Variants in SPAG16 observed in about 807,000 individuals in gnomAD.
SPAG16 encodes the protein sperm associated antigen 16, also known as sperm-associated antigen 16 protein.
Under a neutral mutation model 80.4 loss-of-function variants are expected in SPAG16, and 86 were observed. The observed-to-expected ratio is 1.07, with a 90% CI of 0.90 to 1.28. The LOEUF (loss-of-function observed/expected upper bound fraction) is 1.28, where lower values mean the gene tolerates loss of function less well. SPAG16 is among the 50% of genes most tolerant of loss of function. SPAG16 has a pLI of 0.00. For synonymous variants in SPAG16, 294 were observed against 265.9 expected, an observed-to-expected ratio of 1.11 and a Z score of -1.03; for missense variants, 870 against 765.3, an observed-to-expected ratio of 1.14 and a Z score of -1.61.
At chr2:213,574,831 T>A (rs1323684790) in intron 10 of SPAG16, among the ~76,000 whole-genome samples, 2 of 151,910 alleles carry the variant, frequency 1.3e-5, no homozygotes, top group Admixed American at 1.3e-4. Context: ...CAGCTCTTTA[T>A]AAACACACAT....
At chr2:213,515,746 G>C (rs964042372) in intron 10 of SPAG16, among the ~76,000 whole-genome samples, 1 of 152,104 alleles carries the variant, frequency 6.6e-6, no homozygotes, top group African/African-American at 2.4e-5. Context: ...CAAATATAAT[G>C]AGTTAAGACT....
intron 10 of SPAG16, among the ~76,000 whole-genome samples, chr2:213,586,510 T>G (rs1336131818): frequency 1.3e-5 from 2 of 152,220 alleles, no homozygotes; most frequent in Non-Finnish European, 1.5e-5. Context: ...GACCCAAGCA[T>G]TCAGACCACA....
At chr2:213,871,970 G>T (rs562249416) in intron 11 of SPAG16, among the ~76,000 whole-genome samples, 1 of 151,932 alleles carries the variant, frequency 6.6e-6, no homozygotes, top group Non-Finnish European at 1.5e-5. Flanking sequence ...TAAAATGTCA[G>T]GTTTTAAACA....
intron 12 of SPAG16, among the ~76,000 whole-genome samples, chr2:213,942,201 G>T (rs79956388): frequency 0.028 from 4,297 of 152,084 alleles, 196 homozygotes; most frequent in African/African-American, 0.098. Context: ...TGCCTGCTTT[G>T]CCTACATCTG....
chr2:213,794,248 A>G (rs1244935073), intron 10 of SPAG16, among the ~76,000 whole-genome samples: 1 of 152,146 alleles, frequency 6.6e-6, no homozygotes, highest in Non-Finnish European at 1.5e-5. Context: ...TTACAGCAAC[A>G]AAAAAGTCAA....
At chr2:214,301,722 G>A (rs536849858) in intron 15 of SPAG16, among the ~76,000 whole-genome samples, 1 of 152,084 alleles carries the variant, frequency 6.6e-6, no homozygotes, top group Admixed American at 6.6e-5. Context: ...TTCTTTCAAA[G>A]AACCAACTTT....
At chr2:213,679,137 C>A (rs908454965) in intron 10 of SPAG16, among the ~76,000 whole-genome samples, 9 of 152,114 alleles carry the variant, frequency 5.9e-5, no homozygotes. Flanking sequence ...CAATGTCTAA[C>A]CTAATTCTAA....
chr2:214,180,505 A>G (rs895404817), intron 15 of SPAG16, among the ~76,000 whole-genome samples: 1 of 151,700 alleles, frequency 6.6e-6, no homozygotes, highest in African/African-American at 2.4e-5. Context: ...ATAAGCTATA[A>G]ATAGATAATA....
chr2:214,177,933 ATGGC>A (rs2057161410), intron 15 of SPAG16, among the ~76,000 whole-genome samples: 1 of 130,848 alleles, frequency 7.6e-6, no homozygotes, highest in African/African-American at 2.9e-5. Context: ...ATATATATAT[ATGGC>A]CAGAATTGTT....
At chr2:214,180,974 C>T (rs552400980) in intron 15 of SPAG16, among the ~76,000 whole-genome samples, 7 of 151,670 alleles carry the variant, frequency 4.6e-5, no homozygotes, top group South Asian at 4.2e-4. Flanking sequence ...AAGTTGCCCC[C>T]GATTGGTTTA....
At chr2:213,906,065 A>G (rs1436898243) in intron 11 of SPAG16, among the ~76,000 whole-genome samples, 1 of 152,160 alleles carries the variant, frequency 6.6e-6, no homozygotes, top group Non-Finnish European at 1.5e-5. Context: ...AGCAACAGAC[A>G]GGAAGGTCTT....
At chr2:213,378,712 T>C (rs994948753) in intron 9 of SPAG16, among the ~76,000 whole-genome samples, 1 of 152,244 alleles carries the variant, frequency 6.6e-6, no homozygotes, top group Non-Finnish European at 1.5e-5. Context: ...CCTTGTTCTA[T>C]CTATTCTGTA....
At chr2:213,474,685 A>G (rs2073275161) in intron 9 of SPAG16, among the ~76,000 whole-genome samples, 1 of 152,136 alleles carries the variant, frequency 6.6e-6, no homozygotes, top group Non-Finnish European at 1.5e-5. Flanking sequence ...CAGAAACCCT[A>G]AAACCAATGA....
At chr2:213,322,843 G>T (rs1329653514) in intron 5 of SPAG16, among the ~76,000 whole-genome samples, 1 of 152,140 alleles carries the variant, frequency 6.6e-6, no homozygotes, top group Non-Finnish European at 1.5e-5. Flanking sequence ...GTATAAACTT[G>T]GGAAAATGGA....
At chr2:213,727,338 A>T (rs1334481515) in intron 10 of SPAG16, among the ~76,000 whole-genome samples, 6 of 152,210 alleles carry the variant, frequency 3.9e-5, no homozygotes, top group Non-Finnish European at 8.8e-5. Flanking sequence ...AAAAAAGTTT[A>T]AAAATAATTT....
chr2:214,317,491 C>G (rs908386591), intron 15 of SPAG16, among the ~76,000 whole-genome samples: 5 of 152,174 alleles, frequency 3.3e-5, no homozygotes, highest in Non-Finnish European at 5.9e-5. Flanking sequence ...CCTTAAGATT[C>G]CCGAACCCAT....
intron 12 of SPAG16, among the ~76,000 whole-genome samples, chr2:213,950,179 T>C (rs900512150): frequency 6.6e-6 from 1 of 152,204 alleles, no homozygotes; most frequent in Non-Finnish European, 1.5e-5. Context: ...AAGAAAAGGT[T>C]CGTGTAGTGT....
At chr2:213,474,063 G>C (rs1575684771) in intron 9 of SPAG16, among the ~76,000 whole-genome samples, 1 of 152,166 alleles carries the variant, frequency 6.6e-6, no homozygotes, top group African/African-American at 2.4e-5. Context: ...GGGTTGGGGA[G>C]GGGCTGTTGC....
intron 15 of SPAG16, among the ~76,000 whole-genome samples, chr2:214,182,567 T>C (rs567775646): frequency 6.6e-6 from 1 of 152,084 alleles, no homozygotes; most frequent in African/African-American, 2.4e-5. Context: ...TGCAAATCTT[T>C]AAGTCAAAGT....
Sources: allele counts gnomAD v4.1 joint callset (sites outside exome capture counted in the v4.1 genomes callset), GRCh38; gene constraint gnomAD v4.1.1; transcripts MANE v1.5; gene names NCBI Gene and HGNC (gene_info 2026-07-23, HGNC 2026-07-21).